OOSP1: variants seen among roughly 807,000 people sequenced by gnomAD.
OOSP1 encodes oocyte secreted protein 1, also known as putative oocyte-secreted protein 1 homolog.
A neutral mutation model predicts 5.7 loss-of-function variants in OOSP1; 11 were observed. That is an observed-to-expected ratio of 1.94 (90% confidence interval 1.22 to 3.20). The LOEUF (loss-of-function observed/expected upper bound fraction) is 3.20. Ranked by LOEUF, OOSP1 falls within the 30% of genes most tolerant of loss-of-function variation. OOSP1 has a pLI of 0.00. For missense variants in OOSP1, 83 were observed against 54.1 expected (o/e 1.53, Z -1.67); for synonymous variants, 44 against 20.0 (o/e 2.20, Z -3.20).
intron 3 of OOSP1, 103 bp from the exon 4 acceptor site, chr11:59,947,630 C>G (rs1853899703): frequency 2.5e-6 from 1 of 394,816 alleles, no homozygotes; most frequent in South Asian, 1.4e-4. Context: ...ATCAATACAT[C>G]TACTAATAAC....
At chr11:59,943,101 TCTCATTG>T (rs1853847975) in intron 2 of OOSP1, 73 bp downstream of exon 2, 1 of 657,548 alleles carries the variant, frequency 1.5e-6, no homozygotes, top group South Asian at 1.7e-5. Flanking sequence ...GTCCATGTGT[TCTCATTG>T]CTCAATTCCC....
intron 1 of OOSP1, among the ~76,000 whole-genome samples, chr11:59,942,195 A>C (rs750221344): frequency 6.6e-6 from 1 of 152,186 alleles, no homozygotes; most frequent in Non-Finnish European, 1.5e-5. Flanking sequence ...ATGCCTACCC[A>C]GTCTCATAAT....
rs372566221 is a variant in OOSP1 at position 59,956,200 on chromosome 11, C to CT, written c.487-984dup. 4.4e-3 allele frequency among the ~76,000 whole-genome samples: 648 copies of CT among 145,866 alleles called. 8 individuals carry two copies. The highest frequency in any genetic ancestry group is 0.013 in the African/African-American group (532 of 39,538). The stretch of plus-strand genomic sequence containing the variant: ...CCTCTCTCCTTTCCTTCTTCTTCTT[C>CT]TTTTTTTTTTTAAAGTAATTCATTT... On this transcript the variant is annotated intron_variant, in intron 4 of 4. Transcript: ENST00000646685.
intron 4 of OOSP1, among the ~76,000 whole-genome samples, chr11:59,956,186 T>C (rs1273504357): frequency 1.3e-5 from 2 of 151,428 alleles, no homozygotes; most frequent in Admixed American, 6.6e-5. Flanking sequence ...CTCTCTCCTT[T>C]CCTTCTTCTT....
At chr11:59,947,708 A>G in intron 3 of OOSP1, 25 bp from the exon 4 acceptor site, 1 of 398,258 alleles carries the variant, frequency 2.5e-6, no homozygotes, top group Non-Finnish European at 4.4e-6. Flanking sequence ...ACTATGTGAT[A>G]TTTTTCTATC....
In OOSP1 at chr11:59,943,909, T is replaced by G. The variant is rs569509837; in HGVS notation, c.258+881T>G. 6.6e-5 allele frequency among the ~76,000 whole-genome samples: 10 copies of G among 152,328 alleles called. No homozygotes were observed. The South Asian group carries it at 2.1e-3, about 32-fold the overall frequency. On this transcript the variant is annotated intron_variant, in intron 2 of 4. Transcript: ENST00000646685. ...TTTTTCATTATCCCAAATAAAACGC[T>G]AAAAGAAGTAATAGAACTTGATCAG...
intron 4 of OOSP1, 91 bp from the exon 5 acceptor site, chr11:59,957,104 T>C: frequency 2.5e-6 from 1 of 393,136 alleles, no homozygotes; most frequent in East Asian, 3.6e-5. Flanking sequence ...ATTTGTTCCT[T>C]TTAAAAACTT....
intron 4 of OOSP1, among the ~76,000 whole-genome samples, chr11:59,954,538 A>C (rs1316956399): frequency 2.0e-5 from 3 of 152,114 alleles, no homozygotes; most frequent in Admixed American, 6.6e-5. Flanking sequence ...TATTTACAGC[A>C]AAATCACTCA....
chr11:59,940,083 A>G (rs1014065062), intron 1 of OOSP1, among the ~76,000 whole-genome samples: 1 of 152,262 alleles, frequency 6.6e-6, no homozygotes, highest in African/African-American at 2.4e-5. Context: ...ATTGCAGTGA[A>G]AGGTTGTGTA....
chr11:59,939,382 G>A (rs562599018), intron 1 of OOSP1, among the ~76,000 whole-genome samples: 1 of 151,808 alleles, frequency 6.6e-6, no homozygotes, highest in Non-Finnish European at 1.5e-5. Context: ...CTCCCAAGTA[G>A]CTGGCACTGC....
chr11:59,943,407 C>T (rs2134565642), intron 2 of OOSP1, among the ~76,000 whole-genome samples: 1 of 151,978 alleles, frequency 6.6e-6, no homozygotes, highest in South Asian at 2.1e-4. Flanking sequence ...CTTCAACATA[C>T]CTACAAACTA....
chr11:59,939,134 C>T (rs1013117358), intron 1 of OOSP1, among the ~76,000 whole-genome samples: 4 of 152,074 alleles, frequency 2.6e-5, no homozygotes, highest in Non-Finnish European at 5.9e-5. Flanking sequence ...TTCTGCTTCT[C>T]TTTCTCTTTT....
At chr11:59,945,245 C>T (rs1853868957) in exon 3 of OOSP1, 1 of 702,902 alleles carries the variant, frequency 1.4e-6, no homozygotes, top group Non-Finnish European at 2.6e-6. Flanking sequence ...TCTGAAATGC[C>T]TCTGTCGTGT....
At chr11:59,939,624 C>T (rs1853804359) in intron 1 of OOSP1, among the ~76,000 whole-genome samples, 1 of 150,298 alleles carries the variant, frequency 6.7e-6, no homozygotes, top group Non-Finnish European at 1.5e-5. Flanking sequence ...TTCCTCTTCC[C>T]TTTCTATTAC....
intron 4 of OOSP1, among the ~76,000 whole-genome samples, chr11:59,954,753 C>A (rs1040981389): frequency 6.6e-6 from 1 of 151,936 alleles, no homozygotes; most frequent in Non-Finnish European, 1.5e-5. Context: ...TACTAAGCTT[C>A]TCGAGGGTTG....
intron 4 of OOSP1, chr11:59,948,915 T>A: frequency 2.5e-6 from 1 of 395,698 alleles, no homozygotes; most frequent in Middle Eastern, 6.4e-4. Flanking sequence ...AAACCTAAAT[T>A]GTGATTTTAA....
At chr11:59,953,845 A>C (rs1853963875) in intron 4 of OOSP1, among the ~76,000 whole-genome samples, 1 of 152,222 alleles carries the variant, frequency 6.6e-6, no homozygotes, top group Non-Finnish European at 1.5e-5. Context: ...AAGCATATTG[A>C]GCTCTAGGAT....
intron 4 of OOSP1, among the ~76,000 whole-genome samples, chr11:59,953,007 T>C (rs1853955913): frequency 6.6e-6 from 1 of 152,190 alleles, no homozygotes; most frequent in Non-Finnish European, 1.5e-5. Flanking sequence ...AATACACATT[T>C]TCCTCTGGTT....
intron 4 of OOSP1, among the ~76,000 whole-genome samples, chr11:59,952,476 C>T (rs974230065): frequency 3.9e-5 from 6 of 152,232 alleles, no homozygotes; most frequent in African/African-American, 1.4e-4. Context: ...GGCATAATGT[C>T]TTTTGCAGGA....
Sources: allele counts gnomAD v4.1 joint callset (sites outside exome capture counted in the v4.1 genomes callset), GRCh38; gene constraint gnomAD v4.1.1; transcripts MANE v1.5; gene names NCBI Gene and HGNC (gene_info 2026-07-23, HGNC 2026-07-21).